IL12RB2: variants seen among roughly 807,000 people sequenced by gnomAD.
The protein encoded by IL12RB2 is interleukin-12 receptor subunit beta-2.
Under a neutral mutation model 89.4 loss-of-function variants are expected in IL12RB2, and 82 were observed. The observed-to-expected ratio is 0.92, with a 90% CI of 0.77 to 1.10. The LOEUF (loss-of-function observed/expected upper bound fraction) is 1.10, where lower values mean the gene tolerates loss of function less well. IL12RB2 is among the 50% of genes least tolerant of loss of function. IL12RB2 has a pLI of 0.00. For missense variants in IL12RB2, 963 were observed against 1,031.9 expected (o/e 0.93, Z 0.92); for synonymous variants, 368 against 370.1 (o/e 0.99, Z 0.07).
Position 67,330,812 on chromosome 1 carries a change from T to TA in IL12RB2, c.958+3dup. Reference sequence around the variant, plus strand: ...TGAGAGCACAAACACCAGAAGAAGGTATATGTCCAAAATATACATACCTAT... The same window carrying TA: ...TGAGAGCACAAACACCAGAAGAAGGTAATATGTCCAAAATATACATACCTAT... On this transcript the variant is annotated splice_region_variant and intron_variant, in intron 8 of 16. Coordinates refer to ENST00000674203, the MANE Select transcript of IL12RB2 (RefSeq NM_001374259.2). 1 of 1,522,452 alleles carries TA rather than the reference T, an allele frequency of 6.6e-7. No individual in the cohort carries two copies. The highest frequency in any genetic ancestry group is 1.1e-5 in the South Asian group (1 of 89,208). 94.3% of individuals were successfully genotyped at this position (1,522,452 alleles called of 1,614,324 possible).
chr1:67,367,429 GAAAA>G (rs1163657072), intron 10 of IL12RB2, among the ~76,000 whole-genome samples: 1 of 124,240 alleles, frequency 8.0e-6, no homozygotes, highest in Non-Finnish European at 1.6e-5. Flanking sequence ...AGAAGAAAAA[GAAAA>G]AGAAAGAAGG....
chr1:67,384,176 C>A (rs1015252554), intron 14 of IL12RB2, among the ~76,000 whole-genome samples: 3 of 152,208 alleles, frequency 2.0e-5, no homozygotes, highest in East Asian at 3.8e-4. Flanking sequence ...GGGCTCCGCC[C>A]CTGCAGCAAA....
chr1:67,378,084 T>A (rs1664168564), intron 13 of IL12RB2, among the ~76,000 whole-genome samples: 1 of 152,058 alleles, frequency 6.6e-6, no homozygotes, highest in Non-Finnish European at 1.5e-5. Flanking sequence ...GCCATTGCAC[T>A]CCAGCCTGGG....
In IL12RB2 at chr1:67,386,869, ATT is replaced by A. The variant is rs1232980676; in HGVS notation, c.1946+203_1946+204del. On this transcript the variant is annotated intron_variant, in intron 15 of 16. Coordinates refer to ENST00000674203, the MANE Select transcript of IL12RB2 (RefSeq NM_001374259.2). ...TCTAACAATCTCTAACTAGAAATGT[ATT>A]TTATATATATATATATATATATATA... Among the ~76,000 whole-genome samples, 109 of 41,290 alleles carry A rather than the reference ATT, an allele frequency of 2.6e-3. 1 individual carries two copies. Among genetic ancestry groups the A allele is most frequent in the African/African-American group, 4.1e-3 (53 of 13,042 alleles). The allele number at this position is 41,290 out of a possible 152,430, so 27.1% of individuals were successfully genotyped here.
At chr1:67,314,765 C>A (rs1005356666) in intron 2 of IL12RB2, among the ~76,000 whole-genome samples, 1 of 152,144 alleles carries the variant, frequency 6.6e-6, no homozygotes, top group Non-Finnish European at 1.5e-5. Flanking sequence ...GGGAAAGAGG[C>A]TGGTCAGGGA....
rs184854075 is a variant in IL12RB2, at chr1:67,359,205, C to G, written c.1258+8116C>G. On this transcript the variant is annotated intron_variant, in intron 10 of 16. Transcript: ENST00000674203. ...TACAACATGCACTCCAAAAAAGCCC[C>G]AGCCCCACATTGTTTTACAACTGAA... 4.0e-3 allele frequency among the ~76,000 whole-genome samples: 613 copies of G among 152,220 alleles called. 5 individuals carry two copies. The highest frequency in any genetic ancestry group is 0.014 in the African/African-American group (589 of 41,538).
chr1:67,330,839 G>T, intron 8 of IL12RB2, 29 bp downstream of exon 8: 1 of 1,310,532 alleles, frequency 7.6e-7, no homozygotes, highest in South Asian at 1.2e-5. Context: ...CATACCTATC[G>T]GGGAGCAATA....
At chr1:67,343,416 G>C (rs1242928616) in intron 9 of IL12RB2, among the ~76,000 whole-genome samples, 1 of 152,150 alleles carries the variant, frequency 6.6e-6, no homozygotes, top group Non-Finnish European at 1.5e-5. Flanking sequence ...TACTTTCAAT[G>C]TTGAAGCCAA....
intron 13 of IL12RB2, among the ~76,000 whole-genome samples, chr1:67,378,293 TATTC>T (rs1664191508): frequency 6.6e-6 from 1 of 152,128 alleles, no homozygotes; most frequent in Non-Finnish European, 1.5e-5. Flanking sequence ...GAAGATTGTC[TATTC>T]ATTAAAGGCT....
chr1:67,338,336 C>CAAAAAAAAAAAAAAAAAAAAAAAAAA lies in IL12RB2; in HGVS notation c.959-276_959-251dup, dbSNP rs572505092. 1.7e-4 allele frequency among the ~76,000 whole-genome samples: 7 copies of CAAAAAAAAAAAAAAAAAAAAAAAAAA among 40,112 alleles called. 2 individuals are homozygous for CAAAAAAAAAAAAAAAAAAAAAAAAAA. Among genetic ancestry groups the CAAAAAAAAAAAAAAAAAAAAAAAAAA allele is most frequent in the Non-Finnish European group, 3.4e-4 (6 of 17,762 alleles). 26.3% of individuals were successfully genotyped at this position (40,112 alleles called of 152,430 possible). A position where few individuals can be genotyped will look rare whatever the true frequency, so the allele number is the denominator to read the frequency against. On this transcript the variant is annotated intron_variant, in intron 8 of 16. Transcript: ENST00000674203. ...GAGGCAACAGAGCAAGATCCTGTCTCAAAAAAAAAAAAAAAAAAAAAAAAA... is the reference window on the plus strand; with the variant it reads ...GAGGCAACAGAGCAAGATCCTGTCTCAAAAAAAAAAAAAAAAAAAAAAAAAAAAAAAAAAAAAAAAAAAAAAAAAAA...
At chr1:67,354,411 G>A (rs538503000) in intron 10 of IL12RB2, among the ~76,000 whole-genome samples, 6 of 152,258 alleles carry the variant, frequency 3.9e-5, no homozygotes, top group Admixed American at 3.9e-4. Context: ...ATGATGAGGA[G>A]CCAGTGACCA....
rs531851717 is a variant in IL12RB2 at position 67,344,149 on chromosome 1, A to T, written c.1038+5446A>T. 2.0e-5 allele frequency among the ~76,000 whole-genome samples: 3 copies of T among 152,278 alleles called. No homozygotes were observed. The East Asian group carries it at 5.8e-4, about 29-fold the overall frequency. Reference sequence around the variant, plus strand: ...CAAGCAGAGAGGGACACCTCTATGGATTTGGCATGGAAAGGATTACTTTAG... The same window carrying T: ...CAAGCAGAGAGGGACACCTCTATGGTTTTGGCATGGAAAGGATTACTTTAG... On this transcript the variant is annotated intron_variant, in intron 9 of 16. Coordinates refer to ENST00000674203, the MANE Select transcript of IL12RB2 (RefSeq NM_001374259.2).
At chr1:67,336,191 A>C (rs932134741) in intron 8 of IL12RB2, among the ~76,000 whole-genome samples, 1 of 152,166 alleles carries the variant, frequency 6.6e-6, no homozygotes, top group African/African-American at 2.4e-5. Context: ...GTCTTCGGGG[A>C]AAGCAAGACC....
chr1:67,315,993 TGTA>T (rs1052383621), intron 2 of IL12RB2, among the ~76,000 whole-genome samples: 3 of 152,274 alleles, frequency 2.0e-5, no homozygotes, highest in Admixed American at 2.0e-4. Flanking sequence ...CCAACCACAA[TGTA>T]GTAGAATAAG....
chr1:67,319,528 C>T (rs1023271280), intron 2 of IL12RB2, among the ~76,000 whole-genome samples: 2 of 152,160 alleles, frequency 1.3e-5, no homozygotes, highest in African/African-American at 2.4e-5. Context: ...AGCCATTTTT[C>T]GATCTACTGA....
At chr1:67,354,030 G>A (rs886134969) in intron 10 of IL12RB2, among the ~76,000 whole-genome samples, 2 of 152,180 alleles carry the variant, frequency 1.3e-5, no homozygotes, top group African/African-American at 4.8e-5. Flanking sequence ...ATCCAGCATA[G>A]GTAAAAGATA....
At chr1:67,358,428 T>A (rs1034451337) in intron 10 of IL12RB2, among the ~76,000 whole-genome samples, 3 of 151,842 alleles carry the variant, frequency 2.0e-5, no homozygotes, top group African/African-American at 4.8e-5. Context: ...ATACAAAAAT[T>A]AGCTGGGGAT....
At chr1:67,379,272 G>A (rs2101060662) in intron 13 of IL12RB2, among the ~76,000 whole-genome samples, 1 of 151,556 alleles carries the variant, frequency 6.6e-6, no homozygotes, top group South Asian at 2.1e-4. Context: ...CATTTTGGGA[G>A]GCTAAGGCAG....
chr1:67,387,109 T>A (rs181701350), intron 15 of IL12RB2, among the ~76,000 whole-genome samples: 2 of 150,892 alleles, frequency 1.3e-5, no homozygotes, highest in Admixed American at 1.3e-4. Flanking sequence ...TTGTATTTTT[T>A]ATTAGAGACA....
Sources: allele counts gnomAD v4.1 joint callset (sites outside exome capture counted in the v4.1 genomes callset), GRCh38; gene constraint gnomAD v4.1.1; transcripts MANE v1.5; gene names NCBI Gene and HGNC (gene_info 2026-07-23, HGNC 2026-07-21).